The following PJA2 variants were observed in gnomAD, a reference collection of about 807,000 sequenced individuals.
PJA2 encodes praja ring finger ubiquitin ligase 2.
In PJA2, 25 loss-of-function variants were observed where a neutral mutation model predicts 69.3. That is an observed-to-expected ratio of 0.36 (90% CI 0.26 to 0.50). The LOEUF (loss-of-function observed/expected upper bound fraction) is 0.50, where lower values mean the gene tolerates loss of function less well. Ranked by LOEUF, PJA2 falls within the 20% of genes least tolerant of loss-of-function variation. PJA2 has a pLI of 0.96. For missense variants in PJA2, 809 were observed against 830.2 expected (o/e 0.97, Z 0.31); for synonymous variants, 308 against 277.8 (o/e 1.11, Z -1.08).
rs1746934624 is a variant in PJA2 at position 109,378,100 on chromosome 5, C to CT, written c.1283+103dup. 5 of 776,376 alleles carry CT rather than the reference C, an allele frequency of 6.4e-6. No homozygotes were observed. The Admixed American group carries it at 1.2e-4, about 18-fold the overall frequency. 48.1% of individuals were successfully genotyped at this position (776,376 alleles called of 1,614,324 possible). A position where few individuals can be genotyped will look rare whatever the true frequency, so the allele number is the denominator to read the frequency against. On this transcript the variant is annotated intron_variant, in intron 4 of 9. Coordinates refer to ENST00000361189, the MANE Select transcript of PJA2 (RefSeq NM_014819.5). ...AAAAATATTTGGTAAGTCAAAATGT[C>CT]TAATTCCCTGATCATATCAAATAGC... is the stretch of plus-strand genomic sequence containing the variant.
chr5:109,382,819 G>C (rs1385945371), intron 2 of PJA2, among the ~76,000 whole-genome samples: 7 of 150,670 alleles, frequency 4.6e-5, no homozygotes, highest in Non-Finnish European at 1.0e-4. Context: ...CTGCACTCCA[G>C]CTTGGGTGAC....
intron 1 of PJA2, among the ~76,000 whole-genome samples, chr5:109,391,647 A>C (rs1747284614): frequency 6.6e-6 from 1 of 152,170 alleles, no homozygotes; most frequent in South Asian, 2.1e-4. Context: ...AGAGAAAATA[A>C]AAAGTTTAAG....
chr5:109,370,518 C>T (rs188278498), intron 4 of PJA2, among the ~76,000 whole-genome samples: 42 of 152,198 alleles, frequency 2.8e-4, no homozygotes, highest in Admixed American at 2.6e-3. Flanking sequence ...CATTAACATC[C>T]CGGAGAAGGA....
At chr5:109,379,848 A>T (rs1411040042) in intron 3 of PJA2, among the ~76,000 whole-genome samples, 2 of 152,184 alleles carry the variant, frequency 1.3e-5, no homozygotes, top group Non-Finnish European at 2.9e-5. Flanking sequence ...TATAGTTATG[A>T]CTGAAAAACA....
chr5:109,370,881 T>C (rs2127002676), intron 4 of PJA2, among the ~76,000 whole-genome samples: 1 of 152,274 alleles, frequency 6.6e-6, no homozygotes, highest in South Asian at 2.1e-4. Flanking sequence ...TATGATCCTG[T>C]CCAAAGAGAT....
chr5:109,409,965 C>CGGA lies in PJA2; in HGVS notation c.-212_-211insTCC, dbSNP rs1554056505. 4.6e-6 allele frequency: 1 copy of CGGA among 216,428 alleles called. No homozygotes were observed. The highest frequency in any genetic ancestry group is 6.2e-5 in the Admixed American group (1 of 16,144). 13.4% of individuals were successfully genotyped at this position (216,428 alleles called of 1,614,324 possible). On this transcript the variant is annotated 5_prime_UTR_variant, in exon 1 of 10. Coordinates refer to ENST00000361189, the MANE Select transcript of PJA2 (RefSeq NM_014819.5). ...AAGCGGCTGGCGGCTGTGGCGGCGG[C>CGGA]GGCGGCGGTGGCGGCGGCGGAAGCA...
rs148830370 is a variant in PJA2, at chr5:109,360,132, C to A, written c.1652+2708G>T. On this transcript the variant is annotated intron_variant, in intron 6 of 9. Coordinates refer to ENST00000361189, the MANE Select transcript of PJA2 (RefSeq NM_014819.5). ...ATTATATCAAAATTATTTTTAAATT[C>A]TATTAAGCCACAGTTATATCCACAC... Among the ~76,000 whole-genome samples the A allele has an allele frequency of 2.8e-4, 43 of 152,238 alleles. No individual in the cohort carries two copies. In the East Asian group the frequency reaches 8.3e-3, roughly 29 times the overall value.
At chr5:109,392,278 A>G (rs1747299714) in intron 1 of PJA2, among the ~76,000 whole-genome samples, 1 of 152,076 alleles carries the variant, frequency 6.6e-6, no homozygotes, top group Admixed American at 6.6e-5. Flanking sequence ...AGTGTCAAAC[A>G]GACCGGGCAT....
At chr5:109,352,724 T>C (rs1431535327) in intron 7 of PJA2, among the ~76,000 whole-genome samples, 2 of 151,984 alleles carry the variant, frequency 1.3e-5, no homozygotes, top group African/African-American at 4.8e-5. Context: ...CATAAATGTA[T>C]GTGAACATGT....
intron 3 of PJA2, among the ~76,000 whole-genome samples, chr5:109,380,707 A>T (rs1459430419): frequency 1.3e-5 from 2 of 149,688 alleles, no homozygotes; most frequent in Admixed American, 1.3e-4. Flanking sequence ...TGGGAGGCTG[A>T]GGCAGGAGAA....
rs747494271 is a variant in PJA2 at position 109,368,708 on chromosome 5, G to C, written c.1322C>G (p.Pro441Arg). The change falls in exon 5 of 10, where the codon CCT becomes CGT. Residue 441 changes from proline to arginine, a missense_variant. Physicochemically the swap from Pro to Arg is moderately radical, Grantham distance 103 (BLOSUM62 -2). Coordinates refer to ENST00000361189, the MANE Select transcript of PJA2 (RefSeq NM_014819.5). Reference sequence around the variant, plus strand: ...TTTTTCTGTACCAGAAAATCGATGAGGCAAAGAAGCAGACCATTCCCCATC... The same window carrying C: ...TTTTTCTGTACCAGAAAATCGATGACGCAAAGAAGCAGACCATTCCCCATC... ...CSDGEWSASL[P>R]HRFSGTEKDQ... is the part of the protein sequence containing the mutation. 2 of 1,613,830 alleles carry C rather than the reference G, an allele frequency of 1.2e-6. No individual in the cohort carries two copies. Among genetic ancestry groups the C allele is most frequent in the Non-Finnish European group, 1.7e-6 (2 of 1,179,948 alleles).
At chr5:109,376,139 T>C (rs1452838237) in intron 4 of PJA2, among the ~76,000 whole-genome samples, 1 of 151,840 alleles carries the variant, frequency 6.6e-6, no homozygotes, top group East Asian at 1.9e-4. Context: ...GATCCTAAAG[T>C]AGTTCCATCA....
intron 5 of PJA2, among the ~76,000 whole-genome samples, chr5:109,365,234 T>C (rs1762565960): frequency 6.6e-6 from 1 of 152,216 alleles, no homozygotes; most frequent in Admixed American, 6.5e-5. Flanking sequence ...ACTCATGTAG[T>C]AGTATACAGT....
chr5:109,388,020 T>C (rs1215336618), intron 1 of PJA2, among the ~76,000 whole-genome samples: 1 of 152,318 alleles, frequency 6.6e-6, no homozygotes, highest in East Asian at 1.9e-4. Flanking sequence ...TTTAGGCAAG[T>C]TAATAAACTG....
At chr5:109,375,240 T>C (rs1242854233) in intron 4 of PJA2, among the ~76,000 whole-genome samples, 1 of 152,204 alleles carries the variant, frequency 6.6e-6, no homozygotes, top group Non-Finnish European at 1.5e-5. Flanking sequence ...CCGGGTGCAG[T>C]GGCTCACGCC....
chr5:109,385,740 A>C (rs1282541126), intron 1 of PJA2, among the ~76,000 whole-genome samples: 1 of 152,208 alleles, frequency 6.6e-6, no homozygotes, highest in African/African-American at 2.4e-5. Context: ...AGGGAAAAAG[A>C]AGCAGAGATT....
intron 4 of PJA2, among the ~76,000 whole-genome samples, chr5:109,373,651 A>G (rs1018949746): frequency 1.3e-5 from 2 of 152,210 alleles, no homozygotes; most frequent in African/African-American, 4.8e-5. Context: ...AAGCGGGTGA[A>G]TGACACATTT....
chr5:109,373,833 A>G (rs1214156447), intron 4 of PJA2, among the ~76,000 whole-genome samples: 1 of 152,212 alleles, frequency 6.6e-6, no homozygotes, highest in Non-Finnish European at 1.5e-5. Flanking sequence ...AACTTGATAT[A>G]CAGAATGAAA....
chr5:109,355,354 T>G (rs1033153238), intron 7 of PJA2, among the ~76,000 whole-genome samples: 2 of 152,194 alleles, frequency 1.3e-5, no homozygotes, highest in East Asian at 3.9e-4. Context: ...ATGAAAATAC[T>G]TGGGCTTTGA....
Sources: allele counts gnomAD v4.1 joint callset (sites outside exome capture counted in the v4.1 genomes callset), GRCh38; gene constraint gnomAD v4.1.1; transcripts MANE v1.5; gene names NCBI Gene and HGNC (gene_info 2026-07-23, HGNC 2026-07-21).